SMYD3: variants seen among roughly 807,000 people sequenced by gnomAD.
SMYD3 encodes the protein histone-lysine N-methyltransferase SMYD3.
SMYD3 carries 36 observed loss-of-function variants against 57.7 expected under a neutral mutation model. The ratio of observed to expected loss-of-function variants is 0.62; its 90% CI spans 0.48 to 0.82. SMYD3 has a LOEUF of 0.82. SMYD3 is among the 40% of genes least tolerant of loss of function. SMYD3 has a pLI of 0.00. For missense variants in SMYD3, 515 were observed against 538.8 expected, an observed-to-expected ratio of 0.96 and a Z score of 0.44; for synonymous variants, 211 against 195.0, an observed-to-expected ratio of 1.08 and a Z score of -0.68.
intron 5 of SMYD3, among the ~76,000 whole-genome samples, chr1:246,256,923 CAA>C (rs2063905705): frequency 1.3e-5 from 2 of 152,146 alleles, no homozygotes; most frequent in African/African-American, 4.8e-5. Flanking sequence ...ATTGTTTACA[CAA>C]AAGTCATTCA....
At chr1:245,842,781 T>A (rs1376514033) in intron 10 of SMYD3, among the ~76,000 whole-genome samples, 1 of 152,168 alleles carries the variant, frequency 6.6e-6, no homozygotes, top group Non-Finnish European at 1.5e-5. Context: ...CAATCAAAGC[T>A]AACTGTTACC....
At chr1:246,036,637 T>C (rs1488453366) in intron 5 of SMYD3, among the ~76,000 whole-genome samples, 2 of 150,894 alleles carry the variant, frequency 1.3e-5, no homozygotes, top group Non-Finnish European at 2.9e-5. Flanking sequence ...CACTGCAAGC[T>C]CCACCTCCCG....
intron 5 of SMYD3, among the ~76,000 whole-genome samples, chr1:246,294,448 A>T (rs1402495619): frequency 6.6e-6 from 1 of 152,224 alleles, no homozygotes; most frequent in African/African-American, 2.4e-5. Context: ...GTCAACAAAT[A>T]TGCAGTGCCT....
At chr1:246,366,572 T>TAA (rs71563785) in intron 1 of SMYD3, among the ~76,000 whole-genome samples, 48 of 139,684 alleles carry the variant, frequency 3.4e-4, no homozygotes, top group South Asian at 1.4e-3. Flanking sequence ...CTTTTTCTCT[T>TAA]AAAAAAAAAA....
chr1:245,968,966 T>A (rs1167222392), intron 5 of SMYD3, among the ~76,000 whole-genome samples: 4 of 152,302 alleles, frequency 2.6e-5, no homozygotes, highest in Admixed American at 6.5e-5. Context: ...CATAGGGCTA[T>A]GAGACCTCCA....
At chr1:246,058,322 T>C (rs1355475232) in intron 5 of SMYD3, among the ~76,000 whole-genome samples, 1 of 152,100 alleles carries the variant, frequency 6.6e-6, no homozygotes, top group East Asian at 1.9e-4. Context: ...TGTTTTGTGT[T>C]GGAGGTGGGG....
intron 5 of SMYD3, among the ~76,000 whole-genome samples, chr1:246,301,619 G>A (rs1047011969): frequency 7.9e-5 from 12 of 152,162 alleles, no homozygotes; most frequent in Middle Eastern, 3.4e-3. Flanking sequence ...ATAATGTTAC[G>A]TGCTATAAGG....
intron 5 of SMYD3, among the ~76,000 whole-genome samples, chr1:246,166,150 AG>A (rs1393112066): frequency 2.0e-5 from 3 of 152,150 alleles, no homozygotes; most frequent in Admixed American, 6.5e-5. Context: ...CAACTCCTCA[AG>A]GATTTAGTGC....
chr1:245,749,700 A>G, intron 11 of SMYD3, 36 bp from the exon 12 acceptor site: 2 of 1,555,298 alleles, frequency 1.3e-6, no homozygotes, highest in Non-Finnish European at 1.8e-6. Flanking sequence ...TTAGACCCCA[A>G]AATAGGTGAG....
chr1:245,990,181 C>T (rs1037010079), intron 5 of SMYD3, among the ~76,000 whole-genome samples: 7 of 152,066 alleles, frequency 4.6e-5, no homozygotes, highest in African/African-American at 1.2e-4. Context: ...GTGATCCTCC[C>T]GCCTCATCGT....
At chr1:246,489,696 T>C (rs1479482746) in intron 1 of SMYD3, among the ~76,000 whole-genome samples, 1 of 152,228 alleles carries the variant, frequency 6.6e-6, no homozygotes, top group African/African-American at 2.4e-5. Flanking sequence ...GGAAGGCCAA[T>C]ATTGAAAGTT....
intron 1 of SMYD3, among the ~76,000 whole-genome samples, chr1:246,443,471 A>T (rs2067501127): frequency 1.3e-5 from 2 of 152,274 alleles, no homozygotes; most frequent in South Asian, 4.1e-4. Context: ...GCGATTCAGC[A>T]ATTGAGATTA....
chr1:246,282,794 T>C (rs2064482485), intron 5 of SMYD3, among the ~76,000 whole-genome samples: 1 of 152,230 alleles, frequency 6.6e-6, no homozygotes, highest in African/African-American at 2.4e-5. Flanking sequence ...AATTTATTCA[T>C]GACTAGAATA....
intron 5 of SMYD3, among the ~76,000 whole-genome samples, chr1:246,111,099 CAT>C (rs139953008): frequency 2.0e-5 from 3 of 151,150 alleles, no homozygotes; most frequent in Non-Finnish European, 3.0e-5. Flanking sequence ...CTTAGTATAG[CAT>C]ATATATATAT....
intron 5 of SMYD3, among the ~76,000 whole-genome samples, chr1:246,285,427 G>A (rs968654533): frequency 1.3e-4 from 20 of 151,904 alleles, no homozygotes; most frequent in Non-Finnish European, 8.8e-5. Context: ...ACAAACATGC[G>A]AGTGCAAGCC....
At chr1:246,274,612 T>G (rs976485040) in intron 5 of SMYD3, among the ~76,000 whole-genome samples, 2 of 152,192 alleles carry the variant, frequency 1.3e-5, no homozygotes, top group Admixed American at 1.3e-4. Context: ...GTTGAGTCCC[T>G]CTATCCAGTC....
At chr1:246,074,557 T>C (rs2060514019) in intron 5 of SMYD3, among the ~76,000 whole-genome samples, 1 of 152,102 alleles carries the variant, frequency 6.6e-6, no homozygotes, top group African/African-American at 2.4e-5. Flanking sequence ...GGAAGGGAGT[T>C]AACACTTGAA....
At chr1:245,877,200 C>T (rs916277920) in intron 8 of SMYD3, among the ~76,000 whole-genome samples, 1 of 152,196 alleles carries the variant, frequency 6.6e-6, no homozygotes, top group Non-Finnish European at 1.5e-5. Flanking sequence ...CAGTTACTTG[C>T]TGTTCAGAGG....
chr1:245,905,998 T>C (rs909820811), intron 8 of SMYD3, among the ~76,000 whole-genome samples: 1 of 152,178 alleles, frequency 6.6e-6, no homozygotes, highest in African/African-American at 2.4e-5. Context: ...TAAAATCAAA[T>C]GGATTAAAGA....
Sources: allele counts gnomAD v4.1 joint callset (sites outside exome capture counted in the v4.1 genomes callset), GRCh38; gene constraint gnomAD v4.1.1; transcripts MANE v1.5; gene names NCBI Gene and HGNC (gene_info 2026-07-23, HGNC 2026-07-21).